Variants in SCGB1A1 observed in about 807,000 individuals in gnomAD.
SCGB1A1 encodes uteroglobin.
A neutral mutation model predicts 7.5 loss-of-function variants in SCGB1A1; 8 were observed. That is an observed-to-expected ratio of 1.07 (90% CI 0.63 to 1.92). SCGB1A1 has a LOEUF of 1.92. Ranked by LOEUF, SCGB1A1 falls within the 30% of genes most tolerant of loss-of-function variation. The pLI, the probability that SCGB1A1 is intolerant of heterozygous loss-of-function variation, is 0.00. For missense variants in SCGB1A1, 121 were observed against 112.7 expected (o/e 1.07, Z -0.33); for synonymous variants, 44 against 40.8 (o/e 1.08, Z -0.30).
Position 62,423,076 on chromosome 11 carries a change from C to T in SCGB1A1, c.261C>T (p.Ser87=). 4 of 1,614,102 alleles carry T rather than the reference C, an allele frequency of 2.5e-6. No individual in the cohort carries two copies. The highest frequency in any genetic ancestry group is 3.4e-6 in the Non-Finnish European group (4 of 1,180,006). ...TGTTTTAGGAAAAAATAGCCCAAAG[C>T]TCACTGTGTAATTAGCATTTAGAAG... is the stretch of plus-strand genomic sequence containing the variant. The part of the protein sequence containing the change: ...IIKLMEKIAQ[S]SLCN Residue 87 remains serine (S), a synonymous_variant, in exon 3 of 3, where the codon AGC becomes AGT. Transcript: ENST00000278282.
Position 62,419,067 on chromosome 11 carries a change from G to T in SCGB1A1, c.-29G>T. The T allele has an allele frequency of 6.4e-7, 1 of 1,571,726 alleles. No individual in the cohort carries two copies. Among genetic ancestry groups the T allele is most frequent in the Middle Eastern group, 1.7e-4 (1 of 5,908 alleles). On this transcript the variant is annotated 5_prime_UTR_variant, in exon 1 of 3. Transcript: ENST00000278282. ...CACCAGACTCAGAGACGGAACCAGA[G>T]ACGGGCCAGAGCATCCCCCTCCTCC...
chr11:62,423,157 C>A lies in SCGB1A1; in HGVS notation c.*66C>A. Reference sequence around the variant, plus strand: ...CGCTGCCATGCTTTGAGTCCACGCCCACCAGCCTTGCTCTCTTCAATAAAC... The same window carrying A: ...CGCTGCCATGCTTTGAGTCCACGCCAACCAGCCTTGCTCTCTTCAATAAAC... On this transcript the variant is annotated 3_prime_UTR_variant, in exon 3 of 3. Transcript: ENST00000278282. The A allele has an allele frequency of 1.3e-6, 2 of 1,514,490 alleles. No individual in the cohort carries two copies. Among genetic ancestry groups the A allele is most frequent in the Non-Finnish European group, 1.8e-6 (2 of 1,089,756 alleles). 93.8% of individuals were successfully genotyped at this position (1,514,490 alleles called of 1,614,324 possible).
chr11:62,423,023 A>G, intron 2 of SCGB1A1, 36 bp from the exon 3 acceptor site: 1 of 1,601,364 alleles, frequency 6.2e-7, no homozygotes, highest in Non-Finnish European at 8.6e-7. Context: ...TCACTGTTGT[A>G]TTGGGTTTTT....
Position 62,422,201 on chromosome 11 carries a change from T to A in SCGB1A1, c.56-20T>A. ...GGAAAGGGGCCTGGAGACATGTGCCTTCTCTCCTCTGTGTTGCAGCTTCTG... is the reference window on the plus strand; with the variant it reads ...GGAAAGGGGCCTGGAGACATGTGCCATCTCTCCTCTGTGTTGCAGCTTCTG... On this transcript the variant is annotated intron_variant, in intron 1 of 2. Coordinates refer to ENST00000278282, the MANE Select transcript of SCGB1A1 (RefSeq NM_003357.5). 6.3e-7 allele frequency: 1 copy of A among 1,587,152 alleles called. No homozygotes were observed. Among genetic ancestry groups the A allele is most frequent in the Non-Finnish European group, 8.6e-7 (1 of 1,162,116 alleles).
intron 1 of SCGB1A1, 95 bp from the exon 2 acceptor site, chr11:62,422,126 G>T: frequency 6.1e-6 from 6 of 980,454 alleles, no homozygotes; most frequent in Non-Finnish European, 9.0e-6. Flanking sequence ...CTCGCTGATG[G>T]GCCTGGCTGT....
rs749598901 is a variant in SCGB1A1 at position 62,422,245 on chromosome 11, T to C, written c.80T>C (p.Phe27Ser). Residue 27 changes from phenylalanine (F) to serine (S), a missense_variant, in exon 2 of 3, where the codon TTT becomes TCT. Coordinates refer to ENST00000278282, the MANE Select transcript of SCGB1A1 (RefSeq NM_003357.5). ...GCTTCTGCAGAGATCTGCCCGAGCT[T>C]TCAGCGTGTCATCGAAACCCTCCTC... ...SSASAEICPS[F>S]QRVIETLLMD... The C allele has an allele frequency of 1.2e-6, 2 of 1,613,086 alleles. No individual in the cohort carries two copies. Among genetic ancestry groups the C allele is most frequent in the Non-Finnish European group, 1.7e-6 (2 of 1,179,314 alleles).
chr11:62,422,034 A>T lies in SCGB1A1; in HGVS notation c.56-187A>T, dbSNP rs1358285802. ...CAGAAAGAAAAACGGCACCTTGCTC[A>T]CCTCAACCCAAGAAGTCTAAGGAAG... On this transcript the variant is annotated intron_variant, in intron 1 of 2. Coordinates refer to ENST00000278282, the MANE Select transcript of SCGB1A1 (RefSeq NM_003357.5). 3 of 437,696 alleles carry T rather than the reference A, an allele frequency of 6.9e-6. No individual in the cohort carries two copies. In the East Asian group the frequency reaches 1.0e-4, roughly 15 times the overall value. 27.1% of individuals were successfully genotyped at this position (437,696 alleles called of 1,614,324 possible).
intron 1 of SCGB1A1, among the ~76,000 whole-genome samples, chr11:62,421,172 A>G (rs1937779894): frequency 6.6e-6 from 1 of 151,798 alleles, no homozygotes; most frequent in Admixed American, 6.6e-5. Context: ...GGGAAGGCAA[A>G]TTTGTTCAGA....
intron 1 of SCGB1A1, 104 bp downstream of exon 1, chr11:62,419,254 C>A: frequency 2.1e-6 from 2 of 945,136 alleles, no homozygotes; most frequent in Non-Finnish European, 2.9e-6. Flanking sequence ...TGCTCTGGAG[C>A]TGCTGGGAGG....
intron 1 of SCGB1A1, among the ~76,000 whole-genome samples, chr11:62,421,612 A>G (rs1272343472): frequency 6.6e-6 from 1 of 152,002 alleles, no homozygotes; most frequent in Non-Finnish European, 1.5e-5. Context: ...CCTGGATTCA[A>G]GTGATTCTCC....
At chr11:62,422,856 G>A (rs772218892) in intron 2 of SCGB1A1, among the ~76,000 whole-genome samples, 11 of 152,102 alleles carry the variant, frequency 7.2e-5, no homozygotes, top group Non-Finnish European at 1.5e-4. Flanking sequence ...TTACAGGCGT[G>A]AGCCACCACG....
chr11:62,420,421 C>G (rs1378023865), intron 1 of SCGB1A1, among the ~76,000 whole-genome samples: 1 of 149,764 alleles, frequency 6.7e-6, no homozygotes, highest in East Asian at 2.0e-4. Context: ...TCAAGCGATT[C>G]TCCTGCCTCA....
intron 1 of SCGB1A1, 57 bp downstream of exon 1, chr11:62,419,207 C>A (rs1016125579): frequency 3.0e-5 from 39 of 1,298,212 alleles, no homozygotes; most frequent in Middle Eastern, 4.0e-4. Context: ...CAGGACCCCC[C>A]AGTTCTGCTC....
At position 62,422,413 on chromosome 11, in the gene SCGB1A1, C is replaced by A; in HGVS notation, c.243+5C>A. On this transcript the variant is annotated splice_donor_5th_base_variant and intron_variant, in intron 2 of 2. Transcript: ENST00000278282. ...GAAAGCATCATTAAGCTCATGGTAA[C>A]CAGCACCTTTCACGTCACACTGGTT... is the stretch of plus-strand genomic sequence containing the variant. 6.2e-7 allele frequency: 1 copy of A among 1,604,258 alleles called. No individual in the cohort carries two copies. The highest frequency in any genetic ancestry group is 8.5e-7 in the Non-Finnish European group (1 of 1,172,960).
intron 1 of SCGB1A1, chr11:62,421,985 T>A: frequency 2.9e-6 from 1 of 346,856 alleles, no homozygotes; most frequent in Non-Finnish European, 5.2e-6. Context: ...GCTTCTATGA[T>A]CAATACTCTG....
Position 62,423,118 on chromosome 11 carries a change from G to A in SCGB1A1, c.*27G>A, listed in dbSNP as rs757714271. 3 of 1,612,080 alleles carry A rather than the reference G, an allele frequency of 1.9e-6. No homozygotes were observed. Among genetic ancestry groups the A allele is most frequent in the Admixed American group, 3.3e-5 (2 of 60,006 alleles). The stretch of plus-strand genomic sequence containing the variant: ...ATTTAGAAGCTGAAGATCCCCAACT[G>A]CTCCAGCCTCTGCCGCTGCCATGCT... On this transcript the variant is annotated 3_prime_UTR_variant, in exon 3 of 3. Coordinates refer to ENST00000278282, the MANE Select transcript of SCGB1A1 (RefSeq NM_003357.5).
At chr11:62,422,021 C>T (rs905029174) in intron 1 of SCGB1A1, 200 bp from the exon 2 acceptor site, 11 of 417,668 alleles carry the variant, frequency 2.6e-5, no homozygotes, top group East Asian at 1.1e-4. Flanking sequence ...GAAAGAAAAA[C>T]GGCACCTTGC....
chr11:62,420,358 G>A (rs1198974459), intron 1 of SCGB1A1, among the ~76,000 whole-genome samples: 1 of 144,390 alleles, frequency 6.9e-6, no homozygotes, highest in Non-Finnish European at 1.5e-5. Context: ...TCTGTTGCCA[G>A]GCTGGAGTGC....
intron 2 of SCGB1A1, 135 bp downstream of exon 2, chr11:62,422,543 C>A: frequency 4.9e-5 from 25 of 515,204 alleles, no homozygotes; most frequent in Non-Finnish European, 6.5e-5. Flanking sequence ...GCAGGCAGCA[C>A]AGTGATCTTT....
Sources: allele counts gnomAD v4.1 joint callset (sites outside exome capture counted in the v4.1 genomes callset), GRCh38; gene constraint gnomAD v4.1.1; transcripts MANE v1.5; gene names NCBI Gene and HGNC (gene_info 2026-07-23, HGNC 2026-07-21).